Variants in TRPC1 observed in about 807,000 individuals in gnomAD.
TRPC1 encodes short transient receptor potential channel 1.
Under a neutral mutation model 88.2 loss-of-function variants are expected in TRPC1, and 42 were observed. The ratio of observed to expected loss-of-function variants is 0.48; its 90% CI spans 0.37 to 0.62. The LOEUF (loss-of-function observed/expected upper bound fraction) is 0.62. Among genes scored for constraint, TRPC1 ranks in the 20% least tolerant of loss-of-function variants. TRPC1 has a pLI of 0.00. For synonymous variants in TRPC1, 288 were observed against 331.8 expected, an observed-to-expected ratio of 0.87 and a Z score of 1.43; for missense variants, 699 against 957.3, an observed-to-expected ratio of 0.73 and a Z score of 3.56.
chr3:142,794,257 AT>A (rs1320200455), intron 9 of TRPC1, among the ~76,000 whole-genome samples: 2 of 150,058 alleles, frequency 1.3e-5, no homozygotes, highest in Admixed American at 1.3e-4. Flanking sequence ...ATGCACATTG[AT>A]TTTTTTTTAA....
At chr3:142,804,906 T>C (rs1936741275) in intron 12 of TRPC1, among the ~76,000 whole-genome samples, 1 of 152,028 alleles carries the variant, frequency 6.6e-6, no homozygotes, top group African/African-American at 2.4e-5. Flanking sequence ...GGTCAGGAGT[T>C]TGAGACCAGC....
Position 142,724,510 on chromosome 3 carries a change from C to A in TRPC1, c.-50C>A, listed in dbSNP as rs1177465794. Reference sequence around the variant, plus strand: ...CTGGGGTCGGGGTCGGGGTCGGGGCCGGTGGGGGCCCCGCCCCCGTCTCCT... The same window carrying A: ...CTGGGGTCGGGGTCGGGGTCGGGGCAGGTGGGGGCCCCGCCCCCGTCTCCT... On this transcript the variant is annotated 5_prime_UTR_variant, in exon 1 of 13. Transcript: ENST00000476941. The surrounding 1 kb of genome is among the most constrained non-coding windows in gnomAD (Gnocchi z 5.6). 4 of 1,464,476 alleles carry A rather than the reference C, an allele frequency of 2.7e-6. No individual in the cohort carries two copies. The South Asian group carries it at 5.3e-5, about 19-fold the overall frequency. The allele number at this position is 1,464,476 out of a possible 1,614,324, so 90.7% of individuals were successfully genotyped here. A position where few individuals can be genotyped will look rare whatever the true frequency, so the allele number is the denominator to read the frequency against.
intron 1 of TRPC1, among the ~76,000 whole-genome samples, chr3:142,731,784 A>T (rs1933930474): frequency 6.6e-6 from 1 of 152,162 alleles, no homozygotes; most frequent in Admixed American, 6.5e-5. Context: ...GCCACAGACC[A>T]TATCTGCCTG....
chr3:142,724,796 G>A lies in TRPC1; in HGVS notation c.172+65G>A. ...CTCCAGACCTTTAGTCCTCTCCCCC[G>A]CCTCAACTTATATCGGGGCATTCCC... On this transcript the variant is annotated intron_variant, in intron 1 of 12. Transcript: ENST00000476941. This position sits in a 1 kb window ranked among gnomAD's most constrained non-coding sequence, Gnocchi z 5.6. 1.4e-6 allele frequency: 2 copies of A among 1,435,054 alleles called. No homozygotes were observed. The highest frequency in any genetic ancestry group is 3.0e-5 in the South Asian group (2 of 66,888). 88.9% of individuals were successfully genotyped at this position (1,435,054 alleles called of 1,614,324 possible).
At chr3:142,732,342 T>G (rs987220271) in intron 1 of TRPC1, among the ~76,000 whole-genome samples, 3 of 152,102 alleles carry the variant, frequency 2.0e-5, no homozygotes, top group Non-Finnish European at 4.4e-5. Context: ...AGCTTTGAGT[T>G]TTCTCGGGCA....
chr3:142,734,462 AAGAG>A (rs1196526498), intron 1 of TRPC1, among the ~76,000 whole-genome samples: 1 of 152,152 alleles, frequency 6.6e-6, no homozygotes, highest in East Asian at 1.9e-4. Flanking sequence ...GAATGCAGGA[AAGAG>A]AGAGGAAAAA....
At chr3:142,777,490 G>A (rs1047153495) in intron 4 of TRPC1, 142 bp from the exon 5 acceptor site, 18 of 479,374 alleles carry the variant, frequency 3.8e-5, no homozygotes, top group African/African-American at 3.2e-4. Flanking sequence ...TTTTTATGGA[G>A]GTTATCTTGT....
chr3:142,772,764 G>A (rs1935621738), intron 4 of TRPC1, among the ~76,000 whole-genome samples: 1 of 152,116 alleles, frequency 6.6e-6, no homozygotes, highest in Non-Finnish European at 1.5e-5. Context: ...TCCAGCCTGG[G>A]TGACAGAGTG....
intron 2 of TRPC1, 50 bp from the exon 3 acceptor site, chr3:142,743,435 T>G: frequency 7.6e-7 from 1 of 1,314,124 alleles, no homozygotes; most frequent in Non-Finnish European, 1.0e-6. Flanking sequence ...AAAGAAGTAG[T>G]TTACCTTTTT....
At chr3:142,739,822 G>C (rs1037671701) in intron 2 of TRPC1, among the ~76,000 whole-genome samples, 3 of 152,160 alleles carry the variant, frequency 2.0e-5, no homozygotes, top group African/African-American at 4.8e-5. Flanking sequence ...GCTTGAACTG[G>C]AACAGTGCTG....
chr3:142,754,148 G>A (rs1219592972), intron 4 of TRPC1, among the ~76,000 whole-genome samples: 1 of 151,700 alleles, frequency 6.6e-6, no homozygotes, highest in East Asian at 1.9e-4. Flanking sequence ...TTTAGAGATG[G>A]TGTAGTTTCA....
intron 2 of TRPC1, among the ~76,000 whole-genome samples, chr3:142,737,815 T>G (rs1459093317): frequency 6.6e-6 from 1 of 152,194 alleles, no homozygotes; most frequent in African/African-American, 2.4e-5. Flanking sequence ...CAGTACCTAT[T>G]GTTTTAGAAG....
At chr3:142,758,193 T>G (rs1219170325) in intron 4 of TRPC1, among the ~76,000 whole-genome samples, 1 of 152,214 alleles carries the variant, frequency 6.6e-6, no homozygotes, top group Non-Finnish European at 1.5e-5. Context: ...TATTTTTAGT[T>G]TTTTGAAGAA....
chr3:142,751,987 C>T (rs915110324), intron 4 of TRPC1, among the ~76,000 whole-genome samples: 3 of 140,980 alleles, frequency 2.1e-5, no homozygotes, highest in Non-Finnish European at 3.1e-5. Flanking sequence ...TATAAAATGA[C>T]AAGCAGAAAT....
At chr3:142,731,490 T>A (rs1042707199) in intron 1 of TRPC1, among the ~76,000 whole-genome samples, 12 of 147,058 alleles carry the variant, frequency 8.2e-5, no homozygotes, top group African/African-American at 3.0e-4. Flanking sequence ...GTTCACGCCA[T>A]TCTCCTGCCT....
intron 1 of TRPC1, among the ~76,000 whole-genome samples, chr3:142,731,180 G>T (rs1577939137): frequency 1.3e-5 from 2 of 152,028 alleles, no homozygotes; most frequent in East Asian, 3.9e-4. Context: ...ACTGTTAATG[G>T]GTTGCAACCT....
chr3:142,794,709 A>G (rs928033123), intron 9 of TRPC1, among the ~76,000 whole-genome samples: 1 of 152,124 alleles, frequency 6.6e-6, no homozygotes, highest in African/African-American at 2.4e-5. Context: ...TAGCATATGC[A>G]TGTGAGGACA....
At chr3:142,754,845 G>A (rs879828214) in intron 4 of TRPC1, among the ~76,000 whole-genome samples, 18 of 152,088 alleles carry the variant, frequency 1.2e-4, no homozygotes, top group Admixed American at 2.0e-4. Flanking sequence ...AGAGTGACAC[G>A]GAAGTAGGAA....
intron 4 of TRPC1, among the ~76,000 whole-genome samples, chr3:142,756,600 C>A (rs1192134265): frequency 2.6e-5 from 4 of 152,086 alleles, no homozygotes; most frequent in Admixed American, 2.6e-4. Context: ...ACCTCGTGAT[C>A]CGCCTGCCTC....
Sources: gnomAD v4.1 joint callset for allele counts (sites outside exome capture counted in the v4.1 genomes callset) on GRCh38, gnomAD v4.1.1 for gene constraint, Gnocchi (gnomAD v3.1) non-coding constraint, MANE v1.5 for transcripts, NCBI Gene and HGNC (gene_info 2026-07-23, HGNC 2026-07-21) for gene names.